Variants in GSTT4 observed in about 807,000 individuals in gnomAD.
GSTT4 encodes the protein glutathione S-transferase theta 4.
chr22:24,003,449 A>C (rs1350488882), intron 2 of GSTT4, among the ~76,000 whole-genome samples: 4 of 152,376 alleles, frequency 2.6e-5, no homozygotes, highest in African/African-American at 9.6e-5. Context: ...ACGTGAGCTC[A>C]GGCCATCCCC....
chr22:24,001,865 CCT>C (rs2146231228), intron 2 of GSTT4, among the ~76,000 whole-genome samples: 1 of 152,378 alleles, frequency 6.6e-6, no homozygotes, highest in African/African-American at 2.4e-5. Context: ...GTGGCACACA[CCT>C]GTAATCCCAG....
rs1167836601 is a variant in GSTT4, at chr22:23,998,444, TTTTG to T, written c.*94_*97del. ...TTTATTAGGCAAAGAACAGTTGTTT[TTTTG>T]TTTTTTTGTTTTTTTTTTTTTAACA... On this transcript the variant is annotated 3_prime_UTR_variant, in exon 5 of 5. Coordinates refer to ENST00000621179, the MANE Select transcript of GSTT4 (RefSeq NM_001358664.2). The T allele has an allele frequency of 3.8e-5, 1 of 26,076 alleles. No homozygotes were observed. The highest frequency in any genetic ancestry group is 8.7e-5 in the Non-Finnish European group (1 of 11,556). 1.6% of individuals were successfully genotyped at this position (26,076 alleles called of 1,614,324 possible).
chr22:24,001,629 C>T (rs2034232764), intron 2 of GSTT4, among the ~76,000 whole-genome samples: 2 of 152,248 alleles, frequency 1.3e-5, no homozygotes, highest in South Asian at 4.1e-4. Context: ...GAATTTGGGG[C>T]TACTGTGAGC....
At chr22:24,001,714 G>A (rs919827841) in intron 2 of GSTT4, among the ~76,000 whole-genome samples, 1,504 of 152,000 alleles carry the variant, frequency 9.9e-3, no homozygotes, top group African/African-American at 0.035. Flanking sequence ...GGGGGGGCAC[G>A]ATGGCTCACA....
chr22:24,002,279 G>GTGGC (rs746875420), intron 2 of GSTT4, among the ~76,000 whole-genome samples: 7,384 of 150,382 alleles, frequency 0.049, no homozygotes, highest in Middle Eastern at 0.14. Flanking sequence ...GGACAATGAG[G>GTGGC]GGGCCAGCAA....
chr22:24,001,545 C>G (rs1047521151), intron 2 of GSTT4, among the ~76,000 whole-genome samples: 1 of 152,258 alleles, frequency 6.6e-6, no homozygotes, highest in African/African-American at 2.4e-5. Flanking sequence ...GGTGGTATAA[C>G]AAAGAGTAGG....
At chr22:23,990,622 T>TAATAAATA in the GSTT4 span, among the ~76,000 whole-genome samples, 315 of 66,458 alleles carry the variant, frequency 4.7e-3, 13 homozygotes, top group African/African-American at 0.018. Flanking sequence ...TGAGACACTG[T>TAATAAATA]AATAAATAAA....
intron 2 of GSTT4, among the ~76,000 whole-genome samples, chr22:24,002,502 A>C (rs1210628693): frequency 6.6e-6 from 1 of 152,276 alleles, no homozygotes; most frequent in Non-Finnish European, 1.5e-5. Flanking sequence ...TATCGGTTAA[A>C]AAGTGGCAGG....
chr22:23,998,525 A>T lies in GSTT4; in HGVS notation c.*17T>A, dbSNP rs2034152068. The T allele has an allele frequency of 7.2e-4, 111 of 154,110 alleles. No homozygotes were observed. Among genetic ancestry groups the T allele is most frequent in the African/African-American group, 2.4e-3 (98 of 41,272 alleles). 9.5% of individuals were successfully genotyped at this position (154,110 alleles called of 1,614,324 possible). ...TGCTAAGCCAGCCAGGCCCTGCGGG[A>T]CAGGCTGCGCCTAGGGTCACCTGCT... On this transcript the variant is annotated 3_prime_UTR_variant, in exon 5 of 5. Transcript: ENST00000621179.
chr22:24,004,181 C>T (rs1413424122), intron 1 of GSTT4: 1 of 153,326 alleles, frequency 6.5e-6, no homozygotes, highest in African/African-American at 2.4e-5. Flanking sequence ...TTTGAATCAC[C>T]TGAAGCCCTG....
chr22:24,003,426 G>A (rs931977950), intron 2 of GSTT4, among the ~76,000 whole-genome samples: 1 of 152,238 alleles, frequency 6.6e-6, no homozygotes, highest in Admixed American at 6.5e-5. Context: ...TCTAGGCTAG[G>A]CTGGTCTTGA....
intron 2 of GSTT4, among the ~76,000 whole-genome samples, chr22:24,002,172 T>C (rs1427805306): frequency 6.6e-5 from 10 of 152,276 alleles, no homozygotes; most frequent in African/African-American, 9.6e-5. Context: ...AGGGAGGTTA[T>C]GGACTTAATG....
chr22:23,997,018 C>T (rs1025215351), downstream of GSTT4, among the ~76,000 whole-genome samples: 6 of 149,322 alleles, frequency 4.0e-5, no homozygotes, highest in African/African-American at 1.5e-4. Context: ...TTATTTGTTA[C>T]AGGCCTATTA....
At chr22:23,999,130 C>G (rs2034170209) in intron 4 of GSTT4, among the ~76,000 whole-genome samples, 1 of 152,186 alleles carries the variant, frequency 6.6e-6, no homozygotes, top group Non-Finnish European at 1.5e-5. Context: ...TAGCCTCCCA[C>G]TGTGATCAAG....
downstream of GSTT4, among the ~76,000 whole-genome samples, chr22:23,995,488 C>T (rs183109734): frequency 6.6e-6 from 1 of 152,154 alleles, no homozygotes; most frequent in East Asian, 1.9e-4. Context: ...AACCGAAATA[C>T]ATAGAAGAGT....
At chr22:24,000,709 T>C (rs1236061383) in intron 3 of GSTT4, among the ~76,000 whole-genome samples, 2 of 142,326 alleles carry the variant, frequency 1.4e-5, no homozygotes, top group Non-Finnish European at 3.0e-5. Flanking sequence ...CAGGTGCCCA[T>C]CACCACACCC....
chr22:24,003,618 TTCCTCGTGTCCC>T, intron 2 of GSTT4, 130 bp downstream of exon 2: 1 of 153,892 alleles, frequency 6.5e-6, no homozygotes, highest in Non-Finnish European at 1.5e-5. Flanking sequence ...ATTTGTGGGG[TTCCTCGTGTCCC>T]TCATTAGTTA....
Position 24,003,828 on chromosome 22 carries a change from T to C in GSTT4, c.132A>G (p.Gly44=), listed in dbSNP as rs1181749163. 6.4e-6 allele frequency: 1 copy of C among 156,068 alleles called. No individual in the cohort carries two copies. Among genetic ancestry groups the C allele is most frequent in the Non-Finnish European group, 1.5e-5 (1 of 68,804 alleles). 9.7% of individuals were successfully genotyped at this position (156,068 alleles called of 1,614,324 possible). A position where few individuals can be genotyped will look rare whatever the true frequency, so the allele number is the denominator to read the frequency against. ...TCCTGAGGGGGTTGATGTCAATGTA[T>C]CCTTTGCTGTGGTGGTGACCTGGGA... The part of the protein sequence containing the change: ...DLLKGHHHSK[G]YIDINPLRKL... Residue 44 remains glycine (G), a synonymous_variant, in exon 2 of 5, where the codon GGA becomes GGG. Coordinates refer to ENST00000621179, the MANE Select transcript of GSTT4 (RefSeq NM_001358664.2).
the GSTT4 span, among the ~76,000 whole-genome samples, chr22:23,989,592 T>C: frequency 5.4e-5 from 8 of 148,240 alleles, no homozygotes; most frequent in African/African-American, 2.0e-4. Context: ...GGGTGACCTG[T>C]CAATACCCCA....
Sources: gnomAD v4.1 joint callset for allele counts (sites outside exome capture counted in the v4.1 genomes callset) on GRCh38, gnomAD v4.1.1 for gene constraint, MANE v1.5 for transcripts, NCBI Gene and HGNC (gene_info 2026-07-23, HGNC 2026-07-21) for gene names.